ATP6V1A: variants seen among roughly 807,000 people sequenced by gnomAD.
ATP6V1A encodes ATPase H+ transporting V1 subunit A.
A neutral mutation model predicts 70.1 loss-of-function variants in ATP6V1A; 18 were observed. The ratio of observed to expected loss-of-function variants is 0.26; its 90% CI spans 0.18 to 0.38. The LOEUF (loss-of-function observed/expected upper bound fraction) is 0.38. Ranked by LOEUF, ATP6V1A falls within the 10% of genes least tolerant of loss-of-function variation. The pLI is 1.00. For synonymous variants in ATP6V1A, 232 were observed against 253.8 expected (o/e 0.91, Z 0.82); for missense variants, 424 against 772.4 (o/e 0.55, Z 5.35).
chr3:113,750,607 C>CA (rs1708575149), intron 1 of ATP6V1A, among the ~76,000 whole-genome samples: 1 of 152,324 alleles, frequency 6.6e-6, no homozygotes, highest in East Asian at 1.9e-4. Context: ...GGCCCTACCA[C>CA]TTAATAACTG....
intron 3 of ATP6V1A, among the ~76,000 whole-genome samples, chr3:113,782,693 G>A (rs1031080858): frequency 6.6e-6 from 1 of 150,462 alleles, no homozygotes; most frequent in African/African-American, 2.4e-5. Flanking sequence ...GCATGATCTC[G>A]GCTTACTGCA....
intron 13 of ATP6V1A, among the ~76,000 whole-genome samples, chr3:113,804,524 G>A (rs1377383089): frequency 6.6e-6 from 1 of 151,948 alleles, no homozygotes; most frequent in Admixed American, 6.6e-5. Context: ...TTTCATGCCA[G>A]GTTATCTTTT....
intron 2 of ATP6V1A, chr3:113,779,051 A>G: frequency 2.8e-6 from 1 of 352,646 alleles, no homozygotes; most frequent in Non-Finnish European, 5.1e-6. Context: ...TTGAGGTACT[A>G]CTTTGTGATA....
intron 5 of ATP6V1A, 149 bp downstream of exon 5, chr3:113,784,982 A>G (rs1179588881): frequency 3.4e-6 from 3 of 875,422 alleles, no homozygotes; most frequent in Non-Finnish European, 3.3e-6. Flanking sequence ...TTGTTTGTTT[A>G]TTTTTAACTT....
chr3:113,774,226 A>G (rs930668456), intron 1 of ATP6V1A, among the ~76,000 whole-genome samples: 27 of 152,224 alleles, frequency 1.8e-4, no homozygotes, highest in African/African-American at 6.3e-4. Flanking sequence ...AAACTAGCTA[A>G]GAGACTAGAT....
chr3:113,776,998 G>C (rs989409666), intron 1 of ATP6V1A, among the ~76,000 whole-genome samples: 2 of 152,102 alleles, frequency 1.3e-5, no homozygotes, highest in African/African-American at 4.8e-5. Flanking sequence ...GTAAATAAGG[G>C]TATATTATTT....
chr3:113,754,281 T>C lies in ATP6V1A; in HGVS notation c.-14+7168T>C, dbSNP rs1294255609. Among the ~76,000 whole-genome samples, 5 of 152,170 alleles carry C rather than the reference T, an allele frequency of 3.3e-5. No homozygotes were observed. The East Asian group carries it at 9.6e-4, about 29-fold the overall frequency. On this transcript the variant is annotated intron_variant, in intron 1 of 14. Coordinates refer to ENST00000273398, the MANE Select transcript of ATP6V1A (RefSeq NM_001690.4). ...GCTCACGCCTGTAATCCCAGCACTT[T>C]GGGAGGCTGAGGCAGGTAGATCGCT...
At chr3:113,778,295 G>A (rs537470704) in intron 1 of ATP6V1A, among the ~76,000 whole-genome samples, 1 of 152,308 alleles carries the variant, frequency 6.6e-6, no homozygotes, top group Admixed American at 6.5e-5. Flanking sequence ...CCTGGAGGGT[G>A]AGGCACAGGA....
intron 1 of ATP6V1A, among the ~76,000 whole-genome samples, chr3:113,757,368 A>G (rs1708656699): frequency 6.6e-6 from 1 of 152,192 alleles, no homozygotes; most frequent in East Asian, 1.9e-4. Flanking sequence ...TCAGAGTAGT[A>G]TAAAGCAACA....
chr3:113,748,926 G>A (rs1419324447), intron 1 of ATP6V1A, among the ~76,000 whole-genome samples: 4 of 151,762 alleles, frequency 2.6e-5, no homozygotes, highest in African/African-American at 4.8e-5. Flanking sequence ...AGAGGAGAGG[G>A]GAAGAAAAAA....
intron 13 of ATP6V1A, among the ~76,000 whole-genome samples, chr3:113,804,476 A>G (rs1240443816): frequency 6.6e-6 from 1 of 152,116 alleles, no homozygotes; most frequent in Non-Finnish European, 1.5e-5. Context: ...AGGCTTGTTT[A>G]AAGTTCTCAT....
At position 113,809,684 on chromosome 3, in the gene ATP6V1A, C is replaced by G. The variant is rs983125844; in HGVS notation, c.*257C>G. 6.9e-6 allele frequency: 2 copies of G among 291,768 alleles called. No homozygotes were observed. The highest frequency in any genetic ancestry group is 2.4e-3 in the Middle Eastern group (2 of 844). 18.1% of individuals were successfully genotyped at this position (291,768 alleles called of 1,614,324 possible). A position where few individuals can be genotyped will look rare whatever the true frequency, so the allele number is the denominator to read the frequency against. On this transcript the variant is annotated 3_prime_UTR_variant, in exon 15 of 15. Transcript: ENST00000273398. ...ATAGTAAATATACATTCTGGTTACA[C>G]TACTGTAAACTTGTATGTAGGGTGA...
Position 113,799,710 on chromosome 3 carries a change from G to A in ATP6V1A, c.1494+1264G>A, listed in dbSNP as rs992600106. On this transcript the variant is annotated intron_variant, in intron 12 of 14. Transcript: ENST00000273398. ...TAATAAGAGTTCACTGGGGTGTTAT[G>A]ATTCAAGATAAACACAGATCAAGAG... Among the ~76,000 whole-genome samples the A allele has an allele frequency of 4.6e-5, 7 of 152,156 alleles. No homozygotes were observed. The East Asian group carries it at 7.7e-4, about 17-fold the overall frequency.
intron 12 of ATP6V1A, among the ~76,000 whole-genome samples, chr3:113,800,197 A>C (rs1709195411): frequency 6.7e-6 from 1 of 150,172 alleles, no homozygotes; most frequent in Non-Finnish European, 1.5e-5. Flanking sequence ...ACGCCACTGC[A>C]CTCTAGCCTG....
At chr3:113,803,543 T>C in intron 12 of ATP6V1A, 40 bp from the exon 13 acceptor site, 1 of 1,462,830 alleles carries the variant, frequency 6.8e-7, no homozygotes, top group South Asian at 1.2e-5. Flanking sequence ...CAATCTTACA[T>C]TTTAGAGTAA....
chr3:113,765,593 A>G (rs7621016), intron 1 of ATP6V1A, among the ~76,000 whole-genome samples: 54,649 of 150,856 alleles, frequency 0.36, 9,957 homozygotes, highest in African/African-American at 0.41. Context: ...CAACAAGAGC[A>G]AAACTCCATC....
chr3:113,759,191 G>A (rs146354433), intron 1 of ATP6V1A, among the ~76,000 whole-genome samples: 33 of 151,032 alleles, frequency 2.2e-4, no homozygotes, highest in African/African-American at 6.1e-4. Context: ...TGCTTTTAGC[G>A]TTATGTCAAA....
intron 7 of ATP6V1A, 80 bp from the exon 8 acceptor site, chr3:113,789,652 T>A (rs1159089632): frequency 3.9e-5 from 37 of 937,144 alleles, no homozygotes; most frequent in South Asian, 8.4e-5. Context: ...GGCAAAAGTT[T>A]AAAAAAAAAA....
intron 1 of ATP6V1A, among the ~76,000 whole-genome samples, chr3:113,754,461 G>A (rs1708625012): frequency 6.6e-6 from 1 of 151,968 alleles, no homozygotes; most frequent in African/African-American, 2.4e-5. Flanking sequence ...TGATCCCGGG[G>A]CATTCAAGGT....
Sources: gnomAD v4.1 joint callset for allele counts (sites outside exome capture counted in the v4.1 genomes callset) on GRCh38, gnomAD v4.1.1 for gene constraint, MANE v1.5 for transcripts, NCBI Gene and HGNC (gene_info 2026-07-23, HGNC 2026-07-21) for gene names.